GOLGA7B: variants seen among roughly 807,000 people sequenced by gnomAD.
GOLGA7B encodes the protein golgin A7 family member B.
Under a neutral mutation model 21.5 loss-of-function variants are expected in GOLGA7B, and 17 were observed. That is an observed-to-expected ratio of 0.79 (90% CI 0.54 to 1.19). The LOEUF (loss-of-function observed/expected upper bound fraction) is 1.19. GOLGA7B is among the 50% of genes most tolerant of loss of function. GOLGA7B has a pLI of 0.00. For synonymous variants in GOLGA7B, 87 were observed against 84.0 expected, an observed-to-expected ratio of 1.04 and a Z score of -0.19; for missense variants, 169 against 224.4, an observed-to-expected ratio of 0.75 and a Z score of 1.58.
In GOLGA7B at chr10:97,849,963, C is replaced by G. The variant is rs1374963527; in HGVS notation, c.-341C>G. On this transcript the variant is annotated 5_prime_UTR_variant, in exon 1 of 5. Coordinates refer to ENST00000370602, the MANE Select transcript of GOLGA7B (RefSeq NM_001010917.3). The stretch of plus-strand genomic sequence containing the variant: ...CCTGGCCCCTCCTCCCCCGGCCGCC[C>G]CCATCCCCGCCGCCGCCGCCGCCAA... 6.6e-6 allele frequency among the ~76,000 whole-genome samples: 1 copy of G among 151,268 alleles called. No homozygotes were observed. Among genetic ancestry groups the G allele is most frequent in the Non-Finnish European group, 1.5e-5 (1 of 67,616 alleles).
intron 1 of GOLGA7B, among the ~76,000 whole-genome samples, chr10:97,850,843 T>C (rs2049901109): frequency 6.6e-6 from 1 of 151,672 alleles, no homozygotes; most frequent in South Asian, 2.1e-4. Context: ...CCCTTCTTGC[T>C]TTTTTACCCC....
Position 97,865,941 on chromosome 10 carries a change from G to C in GOLGA7B, c.*241G>C. 1 of 582,498 alleles carries C rather than the reference G, an allele frequency of 1.7e-6. No homozygotes were observed. The highest frequency in any genetic ancestry group is 2.8e-6 in the Non-Finnish European group (1 of 350,906). 36.1% of individuals were successfully genotyped at this position (582,498 alleles called of 1,614,324 possible). A position where few individuals can be genotyped will look rare whatever the true frequency, so the allele number is the denominator to read the frequency against. ...CTGGGGGCTTTTCCTTCCCGATGGG[G>C]CTGGTCTGGGCCACACAGAGACAGA... On this transcript the variant is annotated 3_prime_UTR_variant, in exon 5 of 5. Coordinates refer to ENST00000370602, the MANE Select transcript of GOLGA7B (RefSeq NM_001010917.3).
intron 1 of GOLGA7B, among the ~76,000 whole-genome samples, chr10:97,855,328 T>C (rs889024144): frequency 1.3e-5 from 2 of 152,138 alleles, no homozygotes; most frequent in African/African-American, 2.4e-5. Flanking sequence ...GCCAAAGCAA[T>C]CCTATGCAAA....
intron 4 of GOLGA7B, 132 bp from the exon 5 acceptor site, chr10:97,865,458 C>T (rs1590164735): frequency 6.7e-7 from 1 of 1,490,910 alleles, no homozygotes; most frequent in South Asian, 1.3e-5. Context: ...GCTCCCAGGC[C>T]TTTACATCCC....
At chr10:97,852,190 C>G (rs982852212) in intron 1 of GOLGA7B, among the ~76,000 whole-genome samples, 3 of 152,192 alleles carry the variant, frequency 2.0e-5, no homozygotes, top group African/African-American at 7.2e-5. Context: ...AGTCTTCTGC[C>G]TCTTTGGCCA....
chr10:97,853,414 G>A (rs1414131799), intron 1 of GOLGA7B, among the ~76,000 whole-genome samples: 1 of 152,170 alleles, frequency 6.6e-6, no homozygotes, highest in Non-Finnish European at 1.5e-5. Context: ...GCACTCTAGA[G>A]CTTGTTCCTC....
intron 1 of GOLGA7B, among the ~76,000 whole-genome samples, chr10:97,857,362 G>GACACACACACACACAC (rs60908270): frequency 6.6e-5 from 9 of 135,538 alleles, no homozygotes; most frequent in African/African-American, 1.4e-4. Flanking sequence ...ACAATAGCCA[G>GACACACACACACACAC]ACACACACAC....
intron 1 of GOLGA7B, among the ~76,000 whole-genome samples, chr10:97,850,921 GC>G (rs1464011206): frequency 6.9e-6 from 1 of 143,888 alleles, no homozygotes. Context: ...GGGAGTTTCT[GC>G]CTTCTTCAAG....
chr10:97,849,959 C>T lies in GOLGA7B; in HGVS notation c.-345C>T, dbSNP rs1179139578. Among the ~76,000 whole-genome samples the T allele has an allele frequency of 4.0e-5, 6 of 151,286 alleles. No individual in the cohort carries two copies. The highest frequency in any genetic ancestry group is 1.5e-4 in the African/African-American group (6 of 41,366). ...GGCTCCTGGCCCCTCCTCCCCCGGC[C>T]GCCCCCATCCCCGCCGCCGCCGCCG... On this transcript the variant is annotated 5_prime_UTR_variant, in exon 1 of 5. Coordinates refer to ENST00000370602, the MANE Select transcript of GOLGA7B (RefSeq NM_001010917.3).
intron 1 of GOLGA7B, among the ~76,000 whole-genome samples, chr10:97,856,006 A>G (rs1255137127): frequency 6.6e-6 from 1 of 152,218 alleles, no homozygotes; most frequent in East Asian, 1.9e-4. Flanking sequence ...TGATCTACCA[A>G]TTATCTGCTC....
In GOLGA7B at chr10:97,871,238, G is replaced by A. The variant is rs758307942; in HGVS notation, c.*5538G>A. Reference sequence around the variant, plus strand: ...CTGGACAGCAGAACTTCGCATGCAGGATCCTGGAGCTGCGTCGGGTTTTGA... The same window carrying A: ...CTGGACAGCAGAACTTCGCATGCAGAATCCTGGAGCTGCGTCGGGTTTTGA... On this transcript the variant is annotated 3_prime_UTR_variant, in exon 5 of 5. Transcript: ENST00000370602. The A allele has an allele frequency of 6.6e-6, 1 of 152,208 alleles. No homozygotes were observed. The highest frequency in any genetic ancestry group is 1.5e-5 in the Non-Finnish European group (1 of 68,038). 9.4% of individuals were successfully genotyped at this position (152,208 alleles called of 1,614,324 possible). A position where few individuals can be genotyped will look rare whatever the true frequency, so the allele number is the denominator to read the frequency against.
Position 97,864,274 on chromosome 10 carries a change from CCTT to C in GOLGA7B, c.393+8_393+10del. 1 of 1,610,480 alleles carries C rather than the reference CCTT, an allele frequency of 6.2e-7. No individual in the cohort carries two copies. The highest frequency in any genetic ancestry group is 8.5e-7 in the Non-Finnish European group (1 of 1,176,680). ...GTGGAGCGTGGGATGAGGGTTGTAT[CCTT>C]CTGGGCTATTCTGTGTTGAGGGCAC... On this transcript the variant is annotated splice_donor_region_variant and intron_variant, in intron 4 of 4. Coordinates refer to ENST00000370602, the MANE Select transcript of GOLGA7B (RefSeq NM_001010917.3).
chr10:97,863,748 C>G (rs1590163404), intron 2 of GOLGA7B, among the ~76,000 whole-genome samples, 182 bp from the exon 3 acceptor site: 1 of 152,230 alleles, frequency 6.6e-6, no homozygotes, highest in East Asian at 1.9e-4. Context: ...ACTGGCCCCC[C>G]CAGTCTCCTG....
chr10:97,865,955 C>T lies in GOLGA7B; in HGVS notation c.*255C>T. 1 of 517,578 alleles carries T rather than the reference C, an allele frequency of 1.9e-6. No homozygotes were observed. Among genetic ancestry groups the T allele is most frequent in the East Asian group, 3.2e-5 (1 of 31,544 alleles). The allele number at this position is 517,578 out of a possible 1,614,324, so 32.1% of individuals were successfully genotyped here. ...TTCCCGATGGGGCTGGTCTGGGCCA[C>T]ACAGAGACAGATCTTCCTAGGAAGG... On this transcript the variant is annotated 3_prime_UTR_variant, in exon 5 of 5. Coordinates refer to ENST00000370602, the MANE Select transcript of GOLGA7B (RefSeq NM_001010917.3).
chr10:97,857,994 C>T lies in GOLGA7B; in HGVS notation c.13-1464C>T, dbSNP rs867713103. On this transcript the variant is annotated intron_variant, in intron 1 of 4. Transcript: ENST00000370602. Reference sequence around the variant, plus strand: ...ACCCTTGCCTCCTCTACAATCTCATCTCCCACTGTTTCTTATCTAATCTGC... The same window carrying T: ...ACCCTTGCCTCCTCTACAATCTCATTTCCCACTGTTTCTTATCTAATCTGC... 9.8e-5 allele frequency among the ~76,000 whole-genome samples: 15 copies of T among 152,318 alleles called. No homozygotes were observed. In the Middle Eastern group the frequency reaches 0.01, roughly 104 times the overall value.
rs1484638653 is a variant in GOLGA7B, at chr10:97,866,180, C to T, written c.*480C>T. ...CCCAGTATCTGTTCCTTCTCATGCC[C>T]CTGCAGGGCCCCGGCCTGTCTATGA... On this transcript the variant is annotated 3_prime_UTR_variant, in exon 5 of 5. Transcript: ENST00000370602. 1 of 157,742 alleles carries T rather than the reference C, an allele frequency of 6.3e-6. No homozygotes were observed. Among genetic ancestry groups the T allele is most frequent in the African/African-American group, 2.4e-5 (1 of 41,656 alleles). 9.8% of individuals were successfully genotyped at this position (157,742 alleles called of 1,614,324 possible).
intron 4 of GOLGA7B, 48 bp from the exon 5 acceptor site, chr10:97,865,542 C>T (rs565111213): frequency 6.2e-7 from 1 of 1,603,884 alleles, no homozygotes; most frequent in Non-Finnish European, 8.5e-7. Flanking sequence ...CATGTCCCAC[C>T]CCTGCTCAGC....
At chr10:97,850,536 C>T (rs143471198) in intron 1 of GOLGA7B, among the ~76,000 whole-genome samples, 3 of 152,322 alleles carry the variant, frequency 2.0e-5, no homozygotes, top group African/African-American at 7.2e-5. Context: ...CTGTCCGCGA[C>T]ACTTGTTGGC....
At chr10:97,861,512 G>A (rs2049971019) in intron 2 of GOLGA7B, among the ~76,000 whole-genome samples, 2 of 152,238 alleles carry the variant, frequency 1.3e-5, no homozygotes, top group South Asian at 4.1e-4. Flanking sequence ...TCTGCCTACA[G>A]CCTCTGCCTC....
Sources: gnomAD v4.1 joint callset for allele counts (sites outside exome capture counted in the v4.1 genomes callset) on GRCh38, gnomAD v4.1.1 for gene constraint, MANE v1.5 for transcripts, NCBI Gene and HGNC (gene_info 2026-07-23, HGNC 2026-07-21) for gene names.